The following BLM variants were observed in gnomAD, a reference collection of about 807,000 sequenced individuals.
BLM encodes recQ-like DNA helicase BLM.
A neutral mutation model predicts 135.3 loss-of-function variants in BLM; 95 were observed. The observed-to-expected ratio is 0.70, with a 90% CI of 0.59 to 0.83. The LOEUF (loss-of-function observed/expected upper bound fraction) is 0.83. Among genes scored for constraint, BLM ranks in the 40% least tolerant of loss-of-function variants. The pLI is 0.00. For synonymous variants in BLM, 520 were observed against 589.2 expected (o/e 0.88, Z 1.70); for missense variants, 1,518 against 1,663.9 (o/e 0.91, Z 1.53).
At chr15:90,722,389 A>C (rs778230405) in intron 1 of BLM, among the ~76,000 whole-genome samples, 3 of 152,094 alleles carry the variant, frequency 2.0e-5, no homozygotes, top group Non-Finnish European at 4.4e-5. Flanking sequence ...GATTACAGGC[A>C]TGAGCCGCCG....
chr15:90,763,238 A>G (rs190963489), intron 8 of BLM, 81 bp downstream of exon 8: 2 of 1,417,454 alleles, frequency 1.4e-6, no homozygotes, highest in Admixed American at 3.4e-5. Flanking sequence ...TAAAAAGACC[A>G]CCTACACAGT....
intron 16 of BLM, among the ~76,000 whole-genome samples, chr15:90,796,452 C>CA (rs1323157287): frequency 2.6e-5 from 4 of 152,194 alleles, no homozygotes; most frequent in African/African-American, 9.7e-5. Context: ...GTCTCTGTCA[C>CA]AACGACTCAC....
At chr15:90,794,440 A>C in intron 16 of BLM, 83 bp downstream of exon 16, 1 of 1,155,070 alleles carries the variant, frequency 8.7e-7, no homozygotes, top group Non-Finnish European at 1.2e-6. Flanking sequence ...TAGATTGCAA[A>C]AGGTGGTCTC....
Position 90,809,856 on chromosome 15 carries a change from C to T in BLM, c.3874+597C>T, listed in dbSNP as rs774466033. On this transcript the variant is annotated intron_variant, in intron 20 of 21. Transcript: ENST00000355112. ...CATTACAGCTTTAGAAATCATTGAC[C>T]TGGGGGAAATGAGAACAACAAAGCA... 1.6e-4 allele frequency among the ~76,000 whole-genome samples: 24 copies of T among 152,048 alleles called. 1 individual carries two copies. The highest frequency in any genetic ancestry group is 3.1e-4 in the Non-Finnish European group (21 of 68,020).
At chr15:90,742,548 A>C (rs1209039036) in intron 1 of BLM, among the ~76,000 whole-genome samples, 1 of 152,160 alleles carries the variant, frequency 6.6e-6, no homozygotes, top group African/African-American at 2.4e-5. Flanking sequence ...TATTTCAAAG[A>C]AAAGGCACTC....
At chr15:90,813,343 G>T (rs1450489460) in intron 21 of BLM, among the ~76,000 whole-genome samples, 1 of 152,208 alleles carries the variant, frequency 6.6e-6, no homozygotes, top group Non-Finnish European at 1.5e-5. Context: ...GCTCACACTT[G>T]TACCCATTTC....
At chr15:90,801,332 T>G (rs952472138) in intron 17 of BLM, among the ~76,000 whole-genome samples, 1 of 152,060 alleles carries the variant, frequency 6.6e-6, no homozygotes, top group African/African-American at 2.4e-5. Context: ...CTAAACAAGG[T>G]TACAGGACAG....
At chr15:90,757,532 T>A (rs1400397501) in intron 5 of BLM, among the ~76,000 whole-genome samples, 2 of 152,156 alleles carry the variant, frequency 1.3e-5, no homozygotes, top group East Asian at 3.8e-4. Flanking sequence ...ATTCAGCAAT[T>A]CCATTTTACA....
intron 1 of BLM, among the ~76,000 whole-genome samples, chr15:90,722,622 C>T (rs1894800423): frequency 6.6e-6 from 1 of 151,928 alleles, no homozygotes; most frequent in African/African-American, 2.4e-5. Flanking sequence ...AAAAAAGTTA[C>T]ATAATTTAAA....
chr15:90,795,061 T>A (rs1347318426), intron 16 of BLM, among the ~76,000 whole-genome samples: 1 of 152,218 alleles, frequency 6.6e-6, no homozygotes, highest in Non-Finnish European at 1.5e-5. Context: ...TCACGTTTGG[T>A]GTATTATTTA....
chr15:90,799,529 G>A (rs1324932861), intron 17 of BLM, among the ~76,000 whole-genome samples: 2 of 148,348 alleles, frequency 1.3e-5, no homozygotes, highest in African/African-American at 5.0e-5. Flanking sequence ...AGAAAATAAA[G>A]GGAATTATCA....
At chr15:90,729,917 C>T (rs551625693) in intron 1 of BLM, among the ~76,000 whole-genome samples, 3 of 152,216 alleles carry the variant, frequency 2.0e-5, no homozygotes, top group Non-Finnish European at 2.9e-5. Flanking sequence ...GTGATCTCGG[C>T]TCACTGCAAC....
intron 2 of BLM, among the ~76,000 whole-genome samples, chr15:90,748,764 C>CTT (rs961578747): frequency 7.0e-5 from 10 of 142,966 alleles, no homozygotes; most frequent in African/African-American, 1.8e-4. Context: ...TTTCTTTTTT[C>CTT]TTTTTTTTTT....
At chr15:90,788,081 G>A (rs1267137609) in intron 14 of BLM, among the ~76,000 whole-genome samples, 2 of 152,200 alleles carry the variant, frequency 1.3e-5, no homozygotes, top group Admixed American at 1.3e-4. Flanking sequence ...GATGTAGTGA[G>A]TAGCTTGAGA....
chr15:90,806,945 G>T (rs1466870489), intron 19 of BLM, among the ~76,000 whole-genome samples: 1 of 152,176 alleles, frequency 6.6e-6, no homozygotes, highest in Non-Finnish European at 1.5e-5. Context: ...GTGTTTTACT[G>T]ATTTAGACAT....
At position 90,721,849 on chromosome 15, in the gene BLM, T is replaced by C. The variant is rs530124555; in HGVS notation, c.-5+4409T>C. ...GGGAGGCTGAGGCAGGAGAATCACT[T>C]GAACCCAGGAGGCAGAGATTGCAGT... On this transcript the variant is annotated intron_variant, in intron 1 of 21. Coordinates refer to ENST00000355112, the MANE Select transcript of BLM (RefSeq NM_000057.4). Among the ~76,000 whole-genome samples, 19 of 151,604 alleles carry C rather than the reference T, an allele frequency of 1.3e-4. 1 individual carries two copies. The highest frequency in any genetic ancestry group is 4.6e-4 in the African/African-American group (19 of 41,376).
At chr15:90,809,038 G>T (rs2151198189) in intron 19 of BLM, 99 bp from the exon 20 acceptor site, 1 of 1,526,256 alleles carries the variant, frequency 6.6e-7, no homozygotes, top group Non-Finnish European at 9.1e-7. Flanking sequence ...GCAGTTAGTT[G>T]GCACTTAGCA....
chr15:90,796,432 C>T (rs11855811), intron 16 of BLM, among the ~76,000 whole-genome samples: 17,109 of 152,102 alleles, frequency 0.11, 1,846 homozygotes, highest in African/African-American at 0.28. Context: ...TTGTACACTT[C>T]GCAGCCATAG....
chr15:90,794,931 A>G (rs1275069156), intron 16 of BLM, among the ~76,000 whole-genome samples: 2 of 152,012 alleles, frequency 1.3e-5, no homozygotes, highest in Non-Finnish European at 2.9e-5. Flanking sequence ...TAAATTCACT[A>G]TTATCTGTCC....
Sources: gnomAD v4.1 joint callset for allele counts (sites outside exome capture counted in the v4.1 genomes callset) on GRCh38, gnomAD v4.1.1 for gene constraint, MANE v1.5 for transcripts, NCBI Gene and HGNC (gene_info 2026-07-23, HGNC 2026-07-21) for gene names.